Variants in SLC5A4 observed in about 807,000 individuals in gnomAD.
SLC5A4 encodes the protein probable glucose sensor protein SLC5A4.
Under a neutral mutation model 70.3 loss-of-function variants are expected in SLC5A4, and 55 were observed. The observed-to-expected ratio is 0.78, with a 90% CI of 0.63 to 0.98. The LOEUF (loss-of-function observed/expected upper bound fraction) is 0.98. SLC5A4 is among the 50% of genes least tolerant of loss of function. SLC5A4 has a pLI of 0.00. For synonymous variants in SLC5A4, 268 were observed against 305.7 expected, an observed-to-expected ratio of 0.88 and a Z score of 1.29; for missense variants, 735 against 839.2, an observed-to-expected ratio of 0.88 and a Z score of 1.53.
chr22:32,297,681 C>T, the SLC5A4 span, among the ~76,000 whole-genome samples: 4 of 113,140 alleles, frequency 3.5e-5, no homozygotes, highest in Middle Eastern at 7.8e-3. Flanking sequence ...TTAGTTATTT[C>T]TTACCTTCTG....
the SLC5A4 span, chr22:32,271,334 T>C: frequency 2.7e-6 from 2 of 737,330 alleles, no homozygotes; most frequent in Non-Finnish European, 4.9e-6. Context: ...GAGCTGCCTC[T>C]CTCGTCAAGG....
intron 7 of SLC5A4, 50 bp from the exon 8 acceptor site, chr22:32,235,143 T>G: frequency 7.3e-7 from 1 of 1,378,538 alleles, no homozygotes; most frequent in East Asian, 2.3e-5. Context: ...ATCTAAGACA[T>G]CCAATGTTTA....
the SLC5A4 span, among the ~76,000 whole-genome samples, chr22:32,306,524 A>G: frequency 1.2e-4 from 9 of 72,672 alleles, no homozygotes; most frequent in African/African-American, 5.8e-4. Context: ...CGGTCAGTGA[A>G]AAACTCATTA....
chr22:32,244,597 A>G (rs1034519540), intron 5 of SLC5A4, among the ~76,000 whole-genome samples: 1 of 152,190 alleles, frequency 6.6e-6, no homozygotes, highest in Admixed American at 6.5e-5. Flanking sequence ...CAATGGCATG[A>G]TCTTAGCTCA....
At chr22:32,305,598 G>C in the SLC5A4 span, among the ~76,000 whole-genome samples, 6 of 148,050 alleles carry the variant, frequency 4.1e-5, no homozygotes, top group Admixed American at 7.1e-5. Context: ...ATCTGGTGCC[G>C]CTTTTCTCCA....
the SLC5A4 span, among the ~76,000 whole-genome samples, chr22:32,310,709 C>A: frequency 6.6e-6 from 1 of 152,254 alleles, no homozygotes; most frequent in Non-Finnish European, 1.5e-5. Flanking sequence ...ACCTGTGTGA[C>A]CCTGGGCAAG....
the SLC5A4 span, among the ~76,000 whole-genome samples, chr22:32,293,194 T>C: frequency 0.48 from 72,409 of 151,546 alleles, 17,394 homozygotes; most frequent in Admixed American, 0.51. Context: ...CTTTTATAAA[T>C]AACATATAGT....
chr22:32,340,061 G>A, the SLC5A4 span, among the ~76,000 whole-genome samples: 3 of 152,230 alleles, frequency 2.0e-5, no homozygotes, highest in African/African-American at 7.2e-5. Flanking sequence ...CCAGTAGAAG[G>A]ATGTCGGCTT....
the SLC5A4 span, among the ~76,000 whole-genome samples, chr22:32,278,466 T>G: frequency 7.0e-4 from 106 of 152,356 alleles, 4 homozygotes; most frequent in South Asian, 0.018. Flanking sequence ...CTGTCTTTAC[T>G]GAGTTCCAGA....
chr22:32,333,846 T>C, the SLC5A4 span, among the ~76,000 whole-genome samples: 2 of 142,682 alleles, frequency 1.4e-5, no homozygotes, highest in African/African-American at 5.4e-5. Context: ...CCTCACAATA[T>C]ACACACACAC....
chr22:32,342,564 A>AC, the SLC5A4 span, among the ~76,000 whole-genome samples: 1 of 152,324 alleles, frequency 6.6e-6, no homozygotes, highest in African/African-American at 2.4e-5. Flanking sequence ...CTTAGAATTT[A>AC]CTTCTACTTC....
At chr22:32,297,179 G>A in the SLC5A4 span, among the ~76,000 whole-genome samples, 3 of 151,962 alleles carry the variant, frequency 2.0e-5, no homozygotes, top group East Asian at 1.9e-4. Flanking sequence ...AAATGAGTTA[G>A]GGAGGATTCC....
chr22:32,243,387 C>T (rs1926643620), intron 5 of SLC5A4, among the ~76,000 whole-genome samples: 1 of 152,146 alleles, frequency 6.6e-6, no homozygotes, highest in Non-Finnish European at 1.5e-5. Flanking sequence ...AGACCGCATC[C>T]TGTACTGGAG....
chr22:32,307,451 C>T, the SLC5A4 span, among the ~76,000 whole-genome samples: 9 of 152,096 alleles, frequency 5.9e-5, no homozygotes, highest in Non-Finnish European at 1.0e-4. Flanking sequence ...CACAGGTGGT[C>T]CCAGCTATAG....
At chr22:32,270,890 A>G in the SLC5A4 span, 1 of 558,866 alleles carries the variant, frequency 1.8e-6, no homozygotes, top group Non-Finnish European at 3.4e-6. Context: ...GCCCAACGTG[A>G]TCACGCTGTG....
At chr22:32,333,206 C>CCA in the SLC5A4 span, among the ~76,000 whole-genome samples, 6,541 of 150,406 alleles carry the variant, frequency 0.043, 220 homozygotes, top group Admixed American at 0.076. Context: ...ACCCCCCCCC[C>CCA]AGAAGACTCA....
chr22:32,303,569 T>G, the SLC5A4 span, among the ~76,000 whole-genome samples: 1 of 151,270 alleles, frequency 6.6e-6, no homozygotes, highest in Admixed American at 6.6e-5. Context: ...ACAATCACAA[T>G]TTCAGATTGG....
chr22:32,354,038 AGC>A, the SLC5A4 span, among the ~76,000 whole-genome samples: 1 of 150,410 alleles, frequency 6.6e-6, no homozygotes, highest in Admixed American at 6.6e-5. Flanking sequence ...AGCCCCCGAT[AGC>A]GCACCCAACC....
At chr22:32,227,965 GA>G (rs1221421636) in intron 11 of SLC5A4, among the ~76,000 whole-genome samples, 2 of 150,564 alleles carry the variant, frequency 1.3e-5, no homozygotes, top group East Asian at 2.0e-4. Context: ...ACTCTGTCTT[GA>G]AAAAAAAATT....
Sources: allele counts gnomAD v4.1 joint callset (sites outside exome capture counted in the v4.1 genomes callset), GRCh38; gene constraint gnomAD v4.1.1; transcripts MANE v1.5; gene names NCBI Gene and HGNC (gene_info 2026-07-23, HGNC 2026-07-21).